LDB3: variants seen among roughly 807,000 people sequenced by gnomAD.
The protein encoded by LDB3 is LIM domain binding 3, also known as LIM domain-binding protein 3.
Under a neutral mutation model 69.0 loss-of-function variants are expected in LDB3, and 49 were observed. That is an observed-to-expected ratio of 0.71 (90% CI 0.56 to 0.90). The LOEUF (loss-of-function observed/expected upper bound fraction) is 0.90. LDB3 is among the 40% of genes least tolerant of loss of function. LDB3 has a pLI of 0.00. For synonymous variants in LDB3, 387 were observed against 396.2 expected (o/e 0.98, Z 0.28); for missense variants, 928 against 974.1 (o/e 0.95, Z 0.63).
In LDB3 at chr10:86,681,817, A is replaced by G. The variant is rs1196275909; in HGVS notation, c.689+14A>G. The G allele has an allele frequency of 6.3e-7, 1 of 1,581,020 alleles. No homozygotes were observed. Among genetic ancestry groups the G allele is most frequent in the Admixed American group, 1.8e-5 (1 of 54,870 alleles). ...ACTCCCAGGAGGGTAGGTAACGGACATACAGCTCTCCACAGGTGGCCTGGG... is the reference window on the plus strand; with the variant it reads ...ACTCCCAGGAGGGTAGGTAACGGACGTACAGCTCTCCACAGGTGGCCTGGG... On this transcript the variant is annotated intron_variant, in intron 5 of 13. Transcript: ENST00000361373.
intron 2 of LDB3, among the ~76,000 whole-genome samples, chr10:86,669,558 C>A (rs1017254479): frequency 6.6e-6 from 1 of 152,260 alleles, no homozygotes; most frequent in African/African-American, 2.4e-5. Context: ...GTTAGCCATG[C>A]TCCTGAGGAA....
chr10:86,721,272 A>G (rs12570979), intron 12 of LDB3, among the ~76,000 whole-genome samples: 1 of 152,088 alleles, frequency 6.6e-6, no homozygotes. Flanking sequence ...AGCTATCCTA[A>G]CGGGTATGAG....
chr10:86,698,582 A>G (rs1361501902), intron 7 of LDB3, among the ~76,000 whole-genome samples: 5 of 152,212 alleles, frequency 3.3e-5, no homozygotes, highest in Admixed American at 6.5e-5. Flanking sequence ...TTGAGCCCCA[A>G]GAGGCCCCAC....
chr10:86,702,848 G>A (rs968012679), intron 7 of LDB3, among the ~76,000 whole-genome samples: 1 of 152,142 alleles, frequency 6.6e-6, no homozygotes, highest in Non-Finnish European at 1.5e-5. Context: ...TGGCTTCTTG[G>A]TGTCTTTAGA....
rs199811186 is a variant in LDB3 at position 86,692,051 on chromosome 10, C to T, written c.845C>T (p.Thr282Met). The T allele has an allele frequency of 1.3e-5, 21 of 1,614,062 alleles. No homozygotes were observed. In the East Asian group the frequency reaches 2.2e-4, roughly 17 times the overall value. ...SRSFRILAQM[T>M]GTEFMQDPDE... is the part of the protein sequence containing the mutation. ...TCCTTCCGCATCCTGGCCCAGATGACGGGGACAGAATTCAGTGAGTGCAGG... is the reference window on the plus strand; with the variant it reads ...TCCTTCCGCATCCTGGCCCAGATGATGGGGACAGAATTCAGTGAGTGCAGG... The change falls in exon 6 of 14, where the codon ACG becomes ATG. Residue 282 changes from threonine to methionine, a missense_variant. Physicochemically the swap from Thr to Met is moderately conservative, Grantham distance 81 (BLOSUM62 -1). Transcript: ENST00000361373.
chr10:86,681,729 G>C lies in LDB3; in HGVS notation c.615G>C (p.Glu205Asp), dbSNP rs775061423. 1.9e-6 allele frequency: 3 copies of C among 1,608,674 alleles called. No individual in the cohort carries two copies. Among genetic ancestry groups the C allele is most frequent in the Non-Finnish European group, 2.5e-6 (3 of 1,176,880 alleles). The change falls in exon 5 of 14, where the codon GAG becomes GAC. Residue 205 changes from glutamate to aspartate, a missense_variant. Coordinates refer to ENST00000361373, the MANE Select transcript of LDB3 (RefSeq NM_007078.3). ...YNNPIGLYSA[E>D]TLREMAQMYQ... ...ACCCCATTGGCCTGTACTCGGCAGA[G>C]ACCCTGAGGGAGATGGCTCAGATGT...
At chr10:86,722,000 G>A (rs1847097309) in intron 12 of LDB3, among the ~76,000 whole-genome samples, 1 of 152,032 alleles carries the variant, frequency 6.6e-6, no homozygotes, top group South Asian at 2.1e-4. Flanking sequence ...TATATGAGGA[G>A]CTAGATTATA....
At position 86,730,595 on chromosome 10, in the gene LDB3, A is replaced by G. The variant is rs1270682379; in HGVS notation, c.2095-2292A>G. ...TAGAACTGGAGTCTTACAGACATGGACAGAGATTCCCAGCCTACAACTTAC... is the reference window on the plus strand; with the variant it reads ...TAGAACTGGAGTCTTACAGACATGGGCAGAGATTCCCAGCCTACAACTTAC... On this transcript the variant is annotated intron_variant, in intron 13 of 13. Transcript: ENST00000361373. 2.0e-5 allele frequency among the ~76,000 whole-genome samples: 3 copies of G among 152,240 alleles called. No homozygotes were observed. In the East Asian group the frequency reaches 5.8e-4, roughly 29 times the overall value.
At chr10:86,725,557 T>A (rs538541497) in intron 12 of LDB3, among the ~76,000 whole-genome samples, 2 of 152,324 alleles carry the variant, frequency 1.3e-5, no homozygotes, top group South Asian at 4.1e-4. Context: ...GTGAAAATGC[T>A]TGGTAAATTG....
At position 86,733,367 on chromosome 10, in the gene LDB3, C is replaced by T. The variant is rs1015668901; in HGVS notation, c.*391C>T. ...TGAAGCATTCTGCGGAGTTCTTAAG[C>T]GCTCCCCTGGCAAACAAATTGAAGT... On this transcript the variant is annotated 3_prime_UTR_variant, in exon 14 of 14. Transcript: ENST00000361373. 2 of 258,030 alleles carry T rather than the reference C, an allele frequency of 7.8e-6. No individual in the cohort carries two copies. The highest frequency in any genetic ancestry group is 4.6e-5 in the South Asian group (1 of 21,630). The allele number at this position is 258,030 out of a possible 1,614,324, so 16.0% of individuals were successfully genotyped here. A position where few individuals can be genotyped will look rare whatever the true frequency, so the allele number is the denominator to read the frequency against.
Position 86,699,293 on chromosome 10 carries a change from G to A in LDB3, c.896+6722G>A, listed in dbSNP as rs144445130. 1,029 of 1,611,962 alleles carry A rather than the reference G, an allele frequency of 6.4e-4. 4 individuals are homozygous for A. The highest frequency in any genetic ancestry group is 3.4e-3 in the South Asian group (311 of 91,014). On this transcript the variant is annotated intron_variant, in intron 7 of 13. Coordinates refer to ENST00000361373, the MANE Select transcript of LDB3 (RefSeq NM_007078.3). The surrounding 1 kb of genome is among the most constrained non-coding windows in gnomAD (Gnocchi z 4.9). ...TGTGCCACAGGGAAAGGTTTGAAAC[G>A]GAACGTAACAGCCCACGTTTTGCCA...
At chr10:86,726,283 T>C in intron 13 of LDB3, 31 bp downstream of exon 13, 1 of 1,579,226 alleles carries the variant, frequency 6.3e-7, no homozygotes. Context: ...TCTGGCTTTC[T>C]GAGAAGAGGC....
intron 5 of LDB3, chr10:86,686,975 G>T: frequency 8.9e-7 from 1 of 1,129,858 alleles, no homozygotes. Context: ...GACACCCACC[G>T]CGCCCAGCCC....
At position 86,735,397 on chromosome 10, in the gene LDB3, C is replaced by T. The variant is rs1847599799; in HGVS notation, c.*2421C>T. The T allele has an allele frequency of 6.6e-6, 1 of 152,024 alleles. No individual in the cohort carries two copies. Among genetic ancestry groups the T allele is most frequent in the Non-Finnish European group, 1.5e-5 (1 of 68,028 alleles). The allele number at this position is 152,024 out of a possible 1,614,324, so 9.4% of individuals were successfully genotyped here. On this transcript the variant is annotated 3_prime_UTR_variant, in exon 14 of 14. Transcript: ENST00000361373. ...CTAGCTCAAGTTTACATTTGGATGT[C>T]CTACAACACTAAACAAAATTTTTCA... is the stretch of plus-strand genomic sequence containing the variant.
rs775063829 is a variant in LDB3, at chr10:86,668,829, G to A, written c.93+45G>A. On this transcript the variant is annotated intron_variant, in intron 2 of 13. Coordinates refer to ENST00000361373, the MANE Select transcript of LDB3 (RefSeq NM_007078.3). Reference sequence around the variant, plus strand: ...GCCTGGCACCCGATGGGGCAGGCACGCTTGGAGGAGGGCATGTGTGTCCGT... The same window carrying A: ...GCCTGGCACCCGATGGGGCAGGCACACTTGGAGGAGGGCATGTGTGTCCGT... 1.9e-5 allele frequency: 27 copies of A among 1,404,876 alleles called. No homozygotes were observed. The Middle Eastern group carries it at 1.8e-3, about 92-fold the overall frequency. 87.0% of individuals were successfully genotyped at this position (1,404,876 alleles called of 1,614,324 possible). A position where few individuals can be genotyped will look rare whatever the true frequency, so the allele number is the denominator to read the frequency against.
chr10:86,672,674 C>T (rs934936894), intron 2 of LDB3, among the ~76,000 whole-genome samples: 25 of 152,220 alleles, frequency 1.6e-4, no homozygotes, highest in South Asian at 2.1e-4. Flanking sequence ...CTCAGAGGCT[C>T]ACAGCTGGGG....
intron 5 of LDB3, among the ~76,000 whole-genome samples, chr10:86,686,073 C>T (rs879909786): frequency 6.6e-6 from 1 of 152,168 alleles, no homozygotes. Context: ...AGAAGGGCTG[C>T]ACTGGATCTT....
chr10:86,697,834 G>A (rs1193759095), intron 7 of LDB3, among the ~76,000 whole-genome samples: 2 of 152,144 alleles, frequency 1.3e-5, no homozygotes, highest in African/African-American at 4.8e-5. Context: ...TTACAGGCAT[G>A]AGCCACCACG....
At chr10:86,729,290 G>GA (rs1269446348) in intron 13 of LDB3, among the ~76,000 whole-genome samples, 2 of 152,184 alleles carry the variant, frequency 1.3e-5, no homozygotes, top group South Asian at 4.1e-4. Flanking sequence ...AGTGAAGGCT[G>GA]GGAGCCTGAG....
Sources: gnomAD v4.1 joint callset for allele counts (sites outside exome capture counted in the v4.1 genomes callset) on GRCh38, gnomAD v4.1.1 for gene constraint, Gnocchi (gnomAD v3.1) non-coding constraint, MANE v1.5 for transcripts, NCBI Gene and HGNC (gene_info 2026-07-23, HGNC 2026-07-21) for gene names.